IL1RAPL1: variants seen among roughly 807,000 people sequenced by gnomAD.
IL1RAPL1 encodes the protein interleukin-1 receptor accessory protein-like 1.
Under a neutral mutation model 48.4 loss-of-function variants are expected in IL1RAPL1, and 3 were observed. The observed-to-expected ratio is 0.06, with a 90% confidence interval of 0.03 to 0.16. IL1RAPL1 has a LOEUF of 0.16. Ranked by LOEUF, IL1RAPL1 falls within the 10% of genes least tolerant of loss-of-function variation. IL1RAPL1 has a pLI of 1.00. For missense variants in IL1RAPL1, 349 were observed against 530.6 expected, an observed-to-expected ratio of 0.66 and a Z score of 3.36; for synonymous variants, 185 against 187.7, an observed-to-expected ratio of 0.99 and a Z score of 0.12.
chrX:29,517,179 A>G (rs186207185), intron 5 of IL1RAPL1, among the ~76,000 whole-genome samples: 32 of 110,876 alleles, frequency 2.9e-4, no homozygotes, highest in Middle Eastern at 4.7e-3. Flanking sequence ...ACTAGGGTTT[A>G]TAGCTTAAGT....
chrX:29,248,191 G>A (rs1443226681), intron 2 of IL1RAPL1, among the ~76,000 whole-genome samples: 2 of 111,688 alleles, frequency 1.8e-5, no homozygotes, highest in African/African-American at 3.3e-5. Flanking sequence ...TGAAGCAGAC[G>A]GGTCGCTTGA....
intron 2 of IL1RAPL1, among the ~76,000 whole-genome samples, chrX:29,039,648 G>A (rs770502649): frequency 1.1e-4 from 12 of 109,741 alleles, no homozygotes; most frequent in Non-Finnish European, 2.1e-4. Context: ...AGTGGAAATC[G>A]CCCACTCTAT....
chrX:29,153,207 A>G (rs901949632), intron 2 of IL1RAPL1, among the ~76,000 whole-genome samples: 5 of 111,461 alleles, frequency 4.5e-5, no homozygotes, highest in South Asian at 3.8e-4. Context: ...TCCTTTTCTC[A>G]TATTTAATAC....
chrX:29,572,076 C>T (rs773836739), intron 5 of IL1RAPL1, among the ~76,000 whole-genome samples: 9 of 111,736 alleles, frequency 8.1e-5, no homozygotes, highest in African/African-American at 2.6e-4. Flanking sequence ...AGACTTTTAT[C>T]GTGACAAAAG....
At chrX:29,403,344 GGTGTGTGTGT>G (rs746681320) in intron 5 of IL1RAPL1, among the ~76,000 whole-genome samples, 1 of 107,228 alleles carries the variant, frequency 9.3e-6, no homozygotes, top group African/African-American at 3.4e-5. Context: ...CTTATATTGG[GGTGTGTGTGT>G]GTGTGTGTGT....
chrX:29,565,984 T>C (rs1351677533), intron 5 of IL1RAPL1, among the ~76,000 whole-genome samples: 4 of 110,404 alleles, frequency 3.6e-5, no homozygotes, highest in African/African-American at 1.3e-4. Context: ...AGTCTCGCTC[T>C]GTCGCCCAGG....
intron 3 of IL1RAPL1, among the ~76,000 whole-genome samples, chrX:29,325,386 A>T (rs1176679320): frequency 8.9e-6 from 1 of 112,328 alleles, no homozygotes. Flanking sequence ...ATTCTTCCTT[A>T]TGCAGCTATT....
chrX:29,747,714 G>A (rs1008312988), intron 6 of IL1RAPL1, among the ~76,000 whole-genome samples: 5 of 112,672 alleles, frequency 4.4e-5, no homozygotes, highest in African/African-American at 1.6e-4. Flanking sequence ...ACCTCTAATT[G>A]TAAAAAGAGG....
rs1036997792 is a variant in IL1RAPL1 at position 29,506,140 on chromosome X, T to G, written c.703+106832T>G. Reference sequence around the variant, plus strand: ...TTTCTGAATTCACTAGAAATTTTTCTGTGTTATCTTGGAAATCAGTGAATT... The same window carrying G: ...TTTCTGAATTCACTAGAAATTTTTCGGTGTTATCTTGGAAATCAGTGAATT... On this transcript the variant is annotated intron_variant, in intron 5 of 10. Coordinates refer to ENST00000378993, the MANE Select transcript of IL1RAPL1 (RefSeq NM_014271.4). 2.3e-4 allele frequency among the ~76,000 whole-genome samples: 26 copies of G among 112,385 alleles called. 1 individual carries two copies. The highest frequency in any genetic ancestry group is 6.5e-4 in the African/African-American group (20 of 30,886).
intron 2 of IL1RAPL1, among the ~76,000 whole-genome samples, chrX:29,168,604 C>T (rs1173970627): frequency 1.3e-5 from 1 of 78,169 alleles, no homozygotes; most frequent in African/African-American, 4.1e-5. Context: ...TTCATATATA[C>T]AATTGTATAT....
At chrX:29,041,519 G>A (rs1191767615) in intron 2 of IL1RAPL1, among the ~76,000 whole-genome samples, 1 of 111,968 alleles carries the variant, frequency 8.9e-6, no homozygotes, top group African/African-American at 3.2e-5. Flanking sequence ...ACGATGATGT[G>A]TTGTTTTAAA....
chrX:28,790,829 A>T (rs767795982), intron 2 of IL1RAPL1, among the ~76,000 whole-genome samples: 1 of 111,957 alleles, frequency 8.9e-6, no homozygotes, highest in South Asian at 3.7e-4. Context: ...GCTCAAGTAC[A>T]ATTGAGCATA....
intron 6 of IL1RAPL1, among the ~76,000 whole-genome samples, chrX:29,836,809 C>T (rs1931018010): frequency 9.0e-6 from 1 of 111,001 alleles, no homozygotes; most frequent in Non-Finnish European, 1.9e-5. Context: ...TATATTATTA[C>T]TCCCCGTCAC....
In IL1RAPL1 at chrX:29,955,878, C is replaced by G; in HGVS notation, c.*58C>G. On this transcript the variant is annotated 3_prime_UTR_variant, in exon 11 of 11. Transcript: ENST00000378993. Reference sequence around the variant, plus strand: ...GTTGAGTGGAATCTGCAGTCCAGTGCCTGGAACTAAATCCTCGACTGCTGC... The same window carrying G: ...GTTGAGTGGAATCTGCAGTCCAGTGGCTGGAACTAAATCCTCGACTGCTGC... 1.1e-6 allele frequency: 1 copy of G among 913,301 alleles called. No homozygotes were observed. The allele number at this position is 913,301 out of a possible 1,213,427, so 75.3% of individuals were successfully genotyped here.
intron 6 of IL1RAPL1, among the ~76,000 whole-genome samples, chrX:29,895,152 T>C (rs1932356047): frequency 9.0e-6 from 1 of 110,986 alleles, no homozygotes; most frequent in African/African-American, 3.3e-5. Flanking sequence ...AGAGCGTTTG[T>C]AACTAAAAAA....
intron 1 of IL1RAPL1, among the ~76,000 whole-genome samples, chrX:28,608,673 C>T (rs1292462009): frequency 9.0e-6 from 1 of 111,155 alleles, no homozygotes; most frequent in Non-Finnish European, 1.9e-5. Context: ...AGGCAGAACA[C>T]CAGTGGTCAA....
At chrX:29,652,681 C>T (rs148079998) in intron 5 of IL1RAPL1, among the ~76,000 whole-genome samples, 14,258 of 110,753 alleles carry the variant, frequency 0.13, 879 homozygotes, top group African/African-American at 0.23. Flanking sequence ...TGTTAAAATG[C>T]AAAAAATGTG....
chrX:29,899,349 AT>A (rs1346572819), intron 6 of IL1RAPL1, among the ~76,000 whole-genome samples: 7 of 111,169 alleles, frequency 6.3e-5, no homozygotes, highest in Non-Finnish European at 1.1e-4. Flanking sequence ...CTTTAGTTTC[AT>A]GATCAGAATG....
In IL1RAPL1 at chrX:29,176,442, A is replaced by G. The variant is rs763892120; in HGVS notation, c.83-106496A>G. On this transcript the variant is annotated intron_variant, in intron 2 of 10. Coordinates refer to ENST00000378993, the MANE Select transcript of IL1RAPL1 (RefSeq NM_014271.4). ...GCTGGTCTAGGAACCACACTTTGAGAACCCTTGTCCGAGTTTCTCATAAGC... is the reference window on the plus strand; with the variant it reads ...GCTGGTCTAGGAACCACACTTTGAGGACCCTTGTCCGAGTTTCTCATAAGC... Among the ~76,000 whole-genome samples the G allele has an allele frequency of 9.1e-5, 10 of 109,478 alleles. No homozygotes were observed. In the South Asian group the frequency reaches 4.0e-3, roughly 44 times the overall value.
Sources: gnomAD v4.1 joint callset for allele counts (sites outside exome capture counted in the v4.1 genomes callset) on GRCh38, gnomAD v4.1.1 for gene constraint, MANE v1.5 for transcripts, NCBI Gene and HGNC (gene_info 2026-07-23, HGNC 2026-07-21) for gene names.